RALYL: variants seen among roughly 807,000 people sequenced by gnomAD.
The protein encoded by RALYL is RALY RNA binding protein like.
A neutral mutation model predicts 35.1 loss-of-function variants in RALYL; 29 were observed. That is an observed-to-expected ratio of 0.83 (90% CI 0.61 to 1.13). The LOEUF is 1.13. Among genes scored for constraint, RALYL ranks in the 50% most tolerant of loss-of-function variants. The pLI is 0.00. For synonymous variants in RALYL, 120 were observed against 127.6 expected, an observed-to-expected ratio of 0.94 and a Z score of 0.40; for missense variants, 359 against 360.4, an observed-to-expected ratio of 1.00 and a Z score of 0.03.
At chr8:84,692,039 TA>T (rs890799903) in intron 2 of RALYL, among the ~76,000 whole-genome samples, 10 of 151,856 alleles carry the variant, frequency 6.6e-5, no homozygotes, top group Admixed American at 6.6e-5. Flanking sequence ...TCATGATTTT[TA>T]AAAAAAACTT....
intron 2 of RALYL, among the ~76,000 whole-genome samples, chr8:84,770,034 T>C (rs2133508111): frequency 6.6e-6 from 1 of 152,302 alleles, no homozygotes; most frequent in South Asian, 2.1e-4. Flanking sequence ...CTTGTTTATC[T>C]CTGCCTTCTT....
intron 3 of RALYL, among the ~76,000 whole-genome samples, chr8:84,790,329 G>A (rs972941680): frequency 2.0e-5 from 3 of 152,164 alleles, no homozygotes; most frequent in South Asian, 2.1e-4. Context: ...TTTCACATAC[G>A]GTCAGCCCTG....
chr8:84,303,349 A>T (rs910591657), intron 1 of RALYL, among the ~76,000 whole-genome samples: 1 of 152,248 alleles, frequency 6.6e-6, no homozygotes, highest in Non-Finnish European at 1.5e-5. Context: ...AATGAAGAGC[A>T]GCATTGTAAA....
chr8:84,606,730 C>T (rs1203443072), intron 2 of RALYL, among the ~76,000 whole-genome samples: 1 of 151,872 alleles, frequency 6.6e-6, no homozygotes, highest in Non-Finnish European at 1.5e-5. Flanking sequence ...TTGTTTTTTA[C>T]AATTAGTAGG....
chr8:84,755,223 A>T (rs1487733946), intron 2 of RALYL, among the ~76,000 whole-genome samples: 1 of 152,192 alleles, frequency 6.6e-6, no homozygotes. Flanking sequence ...CAGATAAAGA[A>T]GCAGTCACAT....
In RALYL at chr8:84,552,358, ATTTTTTT is replaced by A. The variant is rs1167949176; in HGVS notation, c.256+22804_256+22810del. 3.6e-4 allele frequency among the ~76,000 whole-genome samples: 11 copies of A among 30,634 alleles called. No individual in the cohort carries two copies. The East Asian group carries it at 5.1e-3, about 14-fold the overall frequency. 20.1% of individuals were successfully genotyped at this position (30,634 alleles called of 152,430 possible). ...TGTGTGTATATATATATATATATAT[ATTTTTTT>A]TTTTTTTTTTTTTTTTTTTTTTGAG... On this transcript the variant is annotated intron_variant, in intron 2 of 8. Transcript: ENST00000521268.
chr8:84,509,217 T>A (rs1219019078), intron 1 of RALYL, among the ~76,000 whole-genome samples: 1 of 152,188 alleles, frequency 6.6e-6, no homozygotes, highest in Non-Finnish European at 1.5e-5. Flanking sequence ...ATGCATTTGA[T>A]TTAATTTGCT....
At chr8:84,264,008 C>G (rs1440226907) in intron 1 of RALYL, among the ~76,000 whole-genome samples, 1 of 152,166 alleles carries the variant, frequency 6.6e-6, no homozygotes. Context: ...TTTATCCATT[C>G]TATCATTGAT....
intron 1 of RALYL, among the ~76,000 whole-genome samples, chr8:84,207,178 A>G (rs1461672941): frequency 6.6e-6 from 1 of 152,184 alleles, no homozygotes; most frequent in Non-Finnish European, 1.5e-5. Context: ...TTCAAAGGAA[A>G]TTAAACCAGT....
chr8:84,783,835 T>C (rs1818755975), intron 3 of RALYL, among the ~76,000 whole-genome samples: 1 of 152,146 alleles, frequency 6.6e-6, no homozygotes, highest in Non-Finnish European at 1.5e-5. Context: ...ATAGGGAGAA[T>C]TAAGCCACCT....
intron 1 of RALYL, among the ~76,000 whole-genome samples, chr8:84,208,339 C>T (rs977059861): frequency 1.3e-5 from 2 of 152,116 alleles, no homozygotes; most frequent in South Asian, 2.1e-4. Flanking sequence ...CTAAGTATAT[C>T]GGATGTACTG....
chr8:84,279,195 C>T (rs184330042), intron 1 of RALYL, among the ~76,000 whole-genome samples: 2 of 152,146 alleles, frequency 1.3e-5, no homozygotes, highest in African/African-American at 2.4e-5. Flanking sequence ...ACCACAAGAA[C>T]AGTATGGGGG....
intron 4 of RALYL, among the ~76,000 whole-genome samples, chr8:84,817,187 A>C (rs181256335): frequency 3.5e-4 from 53 of 152,066 alleles, no homozygotes; most frequent in African/African-American, 1.1e-3. Flanking sequence ...TCACGAACCC[A>C]TTTTCCTTGA....
chr8:84,613,305 A>G, intron 2 of RALYL, among the ~76,000 whole-genome samples: 1 of 151,632 alleles, frequency 6.6e-6, no homozygotes, highest in Admixed American at 6.6e-5. Context: ...ACTTAAAGAA[A>G]TAAACACCCT....
chr8:84,916,711 AC>A (rs1371079680), intron 8 of RALYL, among the ~76,000 whole-genome samples: 2 of 152,080 alleles, frequency 1.3e-5, no homozygotes, highest in African/African-American at 4.8e-5. Flanking sequence ...TAGCATGAAA[AC>A]AGACTAATAC....
At chr8:84,529,256 A>G (rs778534140) in intron 1 of RALYL, 43 bp from the exon 2 acceptor site, 2 of 1,540,984 alleles carry the variant, frequency 1.3e-6, no homozygotes, top group Admixed American at 2.0e-5. Flanking sequence ...CTAATGATTT[A>G]CCTTTTGATT....
At chr8:84,678,511 C>G (rs766164012) in intron 2 of RALYL, among the ~76,000 whole-genome samples, 1 of 152,110 alleles carries the variant, frequency 6.6e-6, no homozygotes, top group Admixed American at 6.6e-5. Context: ...AAATGATCCA[C>G]CCACCTCGGC....
intron 1 of RALYL, among the ~76,000 whole-genome samples, chr8:84,511,180 T>G (rs2057586321): frequency 6.6e-6 from 1 of 152,172 alleles, no homozygotes. Context: ...TCTTTTACCA[T>G]GGGAAATAGC....
intron 1 of RALYL, among the ~76,000 whole-genome samples, chr8:84,496,600 T>G (rs2056052400): frequency 6.6e-6 from 1 of 152,150 alleles, no homozygotes; most frequent in Non-Finnish European, 1.5e-5. Flanking sequence ...CTGAATCCCC[T>G]TAGTAGTGCA....
Sources: allele counts gnomAD v4.1 joint callset (sites outside exome capture counted in the v4.1 genomes callset), GRCh38; gene constraint gnomAD v4.1.1; transcripts MANE v1.5; gene names NCBI Gene and HGNC (gene_info 2026-07-23, HGNC 2026-07-21).